The following PHKA1 variants were observed in gnomAD, a reference collection of about 807,000 sequenced individuals.
The protein encoded by PHKA1 is phosphorylase b kinase regulatory subunit alpha, skeletal muscle isoform.
PHKA1 carries 60 observed loss-of-function variants against 110.2 expected under a neutral mutation model. That is an observed-to-expected ratio of 0.54 (90% CI 0.44 to 0.68). The LOEUF is 0.68. Ranked by LOEUF, PHKA1 falls within the 30% of genes least tolerant of loss-of-function variation. PHKA1 has a pLI of 0.00. For synonymous variants in PHKA1, 316 were observed against 333.6 expected, an observed-to-expected ratio of 0.95 and a Z score of 0.58; for missense variants, 801 against 942.5, an observed-to-expected ratio of 0.85 and a Z score of 1.97.
intron 2 of PHKA1, chrX:72,712,481 T>C (rs949789415): frequency 3.1e-5 from 11 of 351,512 alleles, no homozygotes; most frequent in African/African-American, 2.6e-4. Flanking sequence ...CAAGATAGAT[T>C]AACTTAGAGA....
intron 6 of PHKA1, among the ~76,000 whole-genome samples, chrX:72,675,363 A>T (rs1445010504): frequency 9.0e-6 from 1 of 111,212 alleles, no homozygotes; most frequent in African/African-American, 3.3e-5. Context: ...AGCTCATTTT[A>T]TGCTTGTCAG....
At chrX:72,676,267 A>G in intron 5 of PHKA1, 117 bp from the exon 6 acceptor site, 2 of 473,984 alleles carry the variant, frequency 4.2e-6, no homozygotes, top group Admixed American at 6.5e-5. Context: ...TGCCATATAT[A>G]TATATATATA....
chrX:72,696,374 C>A (rs2054111828), intron 3 of PHKA1, among the ~76,000 whole-genome samples: 1 of 111,856 alleles, frequency 8.9e-6, no homozygotes, highest in Non-Finnish European at 1.9e-5. Context: ...GTATGACAGT[C>A]TGAAAGGAAA....
chrX:72,702,210 G>A (rs143602896), intron 3 of PHKA1, among the ~76,000 whole-genome samples: 2,137 of 111,268 alleles, frequency 0.019, 50 homozygotes, highest in African/African-American at 0.067. Context: ...CACTTTGGGA[G>A]GCCGAGGCTG....
rs1460788109 is a variant in PHKA1 at position 72,649,822 on chromosome X, T to C, written c.1324+568A>G. Among the ~76,000 whole-genome samples the C allele has an allele frequency of 5.6e-4, 62 of 110,030 alleles. No homozygotes were observed. The Admixed American group carries it at 6.0e-3, about 11-fold the overall frequency. ...GCCTGACCAACATGGTGAAACCCCG[T>C]CTCTACTAAAAATACAAAAATTAGC... On this transcript the variant is annotated intron_variant, in intron 13 of 31. Transcript: ENST00000373542.
Position 72,581,137 on chromosome X carries a change from A to T in PHKA1, c.3537T>A (p.Asp1179Glu). Reference protein sequence around the residue: ...LGADDTMLAKDPASGICTLLY... With the variant: ...LGADDTMLAKEPASGICTLLY... ...GAAGAGTACAGATGCCAGATGCGGG[A>T]TCCTTTGCCAACATGGTATCATCTG... The change falls in exon 32 of 32, where the codon GAT (aspartate) becomes GAA (glutamate). Residue 1179 changes from aspartate (D) to glutamate (E), a missense_variant. Asp to Glu is a conservative substitution (Grantham distance 45). This residue lies in a region of PHKA1 where 502 missense variants were observed against 519.2 expected (regional missense o/e 0.97). Transcript: ENST00000373542. The T allele has an allele frequency of 8.3e-7, 1 of 1,199,099 alleles. No homozygotes were observed. Among genetic ancestry groups the T allele is most frequent in the Non-Finnish European group, 1.1e-6 (1 of 884,172 alleles).
rs782644453 is a variant in PHKA1 at position 72,634,477 on chromosome X, G to A, written c.1714+678C>T. Among the ~76,000 whole-genome samples the A allele has an allele frequency of 7.3e-5, 8 of 108,890 alleles. 1 individual carries two copies. The highest frequency in any genetic ancestry group is 2.9e-4 in the East Asian group (1 of 3,502). The allele number at this position is 108,890 out of a possible 115,157, so 94.6% of individuals were successfully genotyped here. On this transcript the variant is annotated intron_variant, in intron 16 of 31. Transcript: ENST00000373542. ...GGAGAAACACAGAAAGGAAGCAGTC[G>A]CTTCAGTATTGGCTCTAGTCCTCCA...
At chrX:72,701,403 A>G (rs782096201) in intron 3 of PHKA1, among the ~76,000 whole-genome samples, 2 of 112,188 alleles carry the variant, frequency 1.8e-5, no homozygotes, top group East Asian at 2.8e-4. Flanking sequence ...GCATAAATTC[A>G]TGGCTGGGCT....
intron 5 of PHKA1, among the ~76,000 whole-genome samples, chrX:72,681,198 GC>G (rs1295166264): frequency 4.0e-5 from 4 of 100,140 alleles, no homozygotes; most frequent in African/African-American, 1.4e-4. Context: ...GATGTGAGGA[GC>G]GCCTCTGCCC....
rs1200391121 is a variant in PHKA1 at position 72,579,952 on chromosome X, G to C, written c.*1050C>G. The C allele has an allele frequency of 1.8e-5, 2 of 111,701 alleles. No homozygotes were observed. The highest frequency in any genetic ancestry group is 3.3e-5 in the African/African-American group (1 of 30,745). The allele number at this position is 111,701 out of a possible 1,213,427, so 9.2% of individuals were successfully genotyped here. A position where few individuals can be genotyped will look rare whatever the true frequency, so the allele number is the denominator to read the frequency against. ...AGTAGGTGAGTGAGACAGAGACCAG[G>C]AGCACATGAAAAGAATGCTAAGTAG... On this transcript the variant is annotated 3_prime_UTR_variant, in exon 32 of 32. Transcript: ENST00000373542.
At chrX:72,588,237 C>T (rs187015733) in intron 29 of PHKA1, among the ~76,000 whole-genome samples, 3 of 112,433 alleles carry the variant, frequency 2.7e-5, no homozygotes, top group East Asian at 5.6e-4. Flanking sequence ...GTCTCTCAGA[C>T]CACAGTGCAA....
intron 5 of PHKA1, among the ~76,000 whole-genome samples, chrX:72,680,830 C>T (rs1556314321): frequency 2.5e-5 from 2 of 80,826 alleles, no homozygotes; most frequent in African/African-American, 9.9e-5. Flanking sequence ...CGGCGAGCGC[C>T]GCCCGGGAGG....
In PHKA1 at chrX:72,635,175, G is replaced by C; in HGVS notation, c.1694C>G (p.Pro565Arg). ...CTTACCAAGCATGCTGTGTGAGATG[G>C]GGAAGGTGATGGTGGGCTGGCCTGT... ...RMTGQPTITF[P>R]ISHSMLDEDG... Residue 565 changes from proline to arginine, a missense_variant, in exon 16 of 32, where the codon CCC becomes CGC. This residue lies in a region of PHKA1 where 502 missense variants were observed against 519.2 expected (regional missense o/e 0.97). Transcript: ENST00000373542. The C allele has an allele frequency of 8.3e-7, 1 of 1,211,972 alleles. No individual in the cohort carries two copies. The highest frequency in any genetic ancestry group is 1.1e-6 in the Non-Finnish European group (1 of 895,512).
At chrX:72,632,105 A>G (rs1478417374) in intron 16 of PHKA1, among the ~76,000 whole-genome samples, 1 of 111,799 alleles carries the variant, frequency 8.9e-6, no homozygotes, top group East Asian at 2.8e-4. Context: ...TATGATTTCT[A>G]CTTTTTAACC....
chrX:72,679,958 A>C (rs782802867), intron 5 of PHKA1, among the ~76,000 whole-genome samples: 2 of 111,690 alleles, frequency 1.8e-5, no homozygotes, highest in African/African-American at 3.3e-5. Flanking sequence ...AACGTGAAGA[A>C]AATGACACCA....
chrX:72,647,052 A>G (rs1015590137), intron 13 of PHKA1, among the ~76,000 whole-genome samples: 2 of 109,900 alleles, frequency 1.8e-5, no homozygotes, highest in African/African-American at 6.7e-5. Context: ...GAATTGCTTG[A>G]ACCCAGGAGG....
chrX:72,671,583 CTACTT>C (rs1444250171), intron 6 of PHKA1, among the ~76,000 whole-genome samples: 8 of 111,791 alleles, frequency 7.2e-5, no homozygotes, highest in Admixed American at 3.8e-4. Flanking sequence ...TTGGAAAAAA[CTACTT>C]TAAAGTTCAT....
intron 21 of PHKA1, among the ~76,000 whole-genome samples, chrX:72,615,994 A>G (rs1342777670): frequency 3.6e-5 from 4 of 112,167 alleles, no homozygotes; most frequent in African/African-American, 1.3e-4. Context: ...ACATGGACTA[A>G]AAGTGAGCGG....
chrX:72,597,322 T>C, intron 28 of PHKA1, among the ~76,000 whole-genome samples: 1 of 111,413 alleles, frequency 9.0e-6, no homozygotes, highest in East Asian at 2.8e-4. Flanking sequence ...TTTCTGGGAG[T>C]CCAGAGTTTT....
Sources: gnomAD v4.1 joint callset for allele counts (sites outside exome capture counted in the v4.1 genomes callset) on GRCh38, gnomAD v4.1.1 for gene constraint, gnomAD v4.1.1 regional missense constraint, MANE v1.5 for transcripts, NCBI Gene and HGNC (gene_info 2026-07-23, HGNC 2026-07-21) for gene names.